SCP2: variants seen among roughly 807,000 people sequenced by gnomAD.
SCP2 encodes the protein sterol carrier protein 2.
SCP2 carries 48 observed loss-of-function variants against 71.4 expected under a neutral mutation model. The observed-to-expected ratio is 0.67, with a 90% CI of 0.53 to 0.86. The LOEUF is 0.86. SCP2 is among the 40% of genes least tolerant of loss of function. The pLI is 0.00. For synonymous variants in SCP2, 220 were observed against 218.1 expected, an observed-to-expected ratio of 1.01 and a Z score of -0.08; for missense variants, 560 against 655.6, an observed-to-expected ratio of 0.85 and a Z score of 1.59.
At chr1:53,035,686 A>T (rs764871477) in intron 13 of SCP2, among the ~76,000 whole-genome samples, 1 of 151,332 alleles carries the variant, frequency 6.6e-6, no homozygotes, top group Non-Finnish European at 1.5e-5. Flanking sequence ...TTATAAAGCT[A>T]TAATATTGGC....
rs189815974 is a variant in SCP2 at position 52,993,079 on chromosome 1, G to A, written c.1081+4943G>A. On this transcript the variant is annotated intron_variant, in intron 11 of 15. Coordinates refer to ENST00000371514, the MANE Select transcript of SCP2 (RefSeq NM_002979.5). ...AGGACTAGCCAGCTTCTTGGTCTAA[G>A]GCTAACATGGTGATCATTTGTCTAA... is the stretch of plus-strand genomic sequence containing the variant. The A allele has an allele frequency of 1.6e-4, 192 of 1,198,020 alleles. 1 individual carries two copies. In the African/African-American group the frequency reaches 2.6e-3, roughly 16 times the overall value. 74.2% of individuals were successfully genotyped at this position (1,198,020 alleles called of 1,614,324 possible). A position where few individuals can be genotyped will look rare whatever the true frequency, so the allele number is the denominator to read the frequency against.
intron 11 of SCP2, among the ~76,000 whole-genome samples, chr1:53,011,411 A>T (rs1448735103): frequency 6.6e-6 from 1 of 152,194 alleles, no homozygotes; most frequent in Non-Finnish European, 1.5e-5. Flanking sequence ...TTTACATTAC[A>T]CTGTGAATCC....
intron 14 of SCP2, among the ~76,000 whole-genome samples, chr1:53,040,578 A>G (rs7520302): frequency 0.099 from 14,993 of 152,144 alleles, 1,466 homozygotes; most frequent in African/African-American, 0.22. Flanking sequence ...AAAATTAGCC[A>G]GGCGTAGTGG....
intron 12 of SCP2, among the ~76,000 whole-genome samples, chr1:53,016,482 T>C (rs995433147): frequency 4.6e-5 from 7 of 152,156 alleles, no homozygotes; most frequent in African/African-American, 1.4e-4. Context: ...CAGAGTCTTG[T>C]ATGGTCCTCT....
At chr1:52,993,462 G>A (rs1659684214) in intron 11 of SCP2, 9 of 1,613,832 alleles carry the variant, frequency 5.6e-6, no homozygotes, top group Middle Eastern at 1.7e-4. Flanking sequence ...AACTCATCAC[G>A]ATCCTTTACT....
intron 14 of SCP2, among the ~76,000 whole-genome samples, chr1:53,040,247 C>T (rs1049804432): frequency 2.0e-5 from 3 of 148,856 alleles, no homozygotes; most frequent in African/African-American, 7.6e-5. Flanking sequence ...ATAGCTTTGT[C>T]TCACTGCAGG....
intron 2 of SCP2, among the ~76,000 whole-genome samples, chr1:52,942,474 C>T (rs187398156): frequency 8.5e-5 from 13 of 152,162 alleles, no homozygotes; most frequent in East Asian, 1.9e-4. Flanking sequence ...AGACGTGCCA[C>T]GACCAGGCTG....
At chr1:52,939,193 C>G (rs1653988942) in intron 1 of SCP2, among the ~76,000 whole-genome samples, 1 of 152,102 alleles carries the variant, frequency 6.6e-6, no homozygotes, top group Non-Finnish European at 1.5e-5. Flanking sequence ...ATCCTTTTAC[C>G]TCCTGAAGGA....
chr1:52,966,729 CA>C (rs750547811), intron 6 of SCP2, among the ~76,000 whole-genome samples: 2,269 of 104,410 alleles, frequency 0.022, 36 homozygotes, highest in African/African-American at 0.06. Context: ...ACTAAAGATA[CA>C]AAAAAAAAAA....
chr1:53,048,349 T>C (rs1663970653), intron 15 of SCP2: 1 of 272,562 alleles, frequency 3.7e-6, no homozygotes, highest in Non-Finnish European at 7.4e-6. Flanking sequence ...AGGGGTGGCA[T>C]GAACAAAGGC....
intron 6 of SCP2, among the ~76,000 whole-genome samples, chr1:52,965,505 T>A (rs1312720208): frequency 6.6e-6 from 1 of 152,226 alleles, no homozygotes; most frequent in Non-Finnish European, 1.5e-5. Context: ...AGTGTTTTAT[T>A]TCTTGTTAAA....
Position 52,958,806 on chromosome 1 carries a change from G to A in SCP2, c.397-2697G>A, listed in dbSNP as rs1656060958. On this transcript the variant is annotated intron_variant, in intron 5 of 15. Transcript: ENST00000371514. Reference sequence around the variant, plus strand: ...CTGGGCTCGAGCAATCCTCCCGCCTGGGCCTCCCAAAGTGTTGGGATTACA... The same window carrying A: ...CTGGGCTCGAGCAATCCTCCCGCCTAGGCCTCCCAAAGTGTTGGGATTACA... Among the ~76,000 whole-genome samples the A allele has an allele frequency of 2.0e-5, 3 of 152,002 alleles. No homozygotes were observed. In the South Asian group the frequency reaches 6.2e-4, roughly 32 times the overall value.
At chr1:52,950,209 C>T (rs1655166731) in intron 3 of SCP2, among the ~76,000 whole-genome samples, 1 of 152,110 alleles carries the variant, frequency 6.6e-6, no homozygotes, top group South Asian at 2.1e-4. Flanking sequence ...GCAACCTCTG[C>T]CTACTGGTTC....
intron 15 of SCP2, chr1:53,049,881 A>G (rs1482038827): frequency 1.3e-5 from 2 of 152,190 alleles, no homozygotes; most frequent in Non-Finnish European, 2.9e-5. Flanking sequence ...GGACTACCAG[A>G]AGCTTTTTTT....
intron 12 of SCP2, among the ~76,000 whole-genome samples, chr1:53,025,393 C>G (rs1662050738): frequency 6.6e-6 from 1 of 152,208 alleles, no homozygotes; most frequent in East Asian, 1.9e-4. Flanking sequence ...GATGATTTCT[C>G]CATTTTATCT....
At chr1:53,002,186 CAA>C (rs57702073) in intron 11 of SCP2, among the ~76,000 whole-genome samples, 5 of 76,110 alleles carry the variant, frequency 6.6e-5, no homozygotes, top group African/African-American at 1.7e-4. Context: ...GACTCCGTCT[CAA>C]AAAAAAAAAA....
chr1:53,031,097 G>A (rs1206283204), intron 13 of SCP2, among the ~76,000 whole-genome samples: 5 of 151,798 alleles, frequency 3.3e-5, no homozygotes, highest in Admixed American at 6.6e-5. Context: ...GGATAGTGGC[G>A]TCTGACAAGT....
intron 11 of SCP2, among the ~76,000 whole-genome samples, chr1:52,998,441 A>G (rs941017054): frequency 2.6e-5 from 4 of 151,848 alleles, no homozygotes; most frequent in Non-Finnish European, 5.9e-5. Flanking sequence ...ACAAAATATT[A>G]AAAAATTAAC....
chr1:52,960,568 ATATATATG>A (rs1438793102), intron 5 of SCP2, among the ~76,000 whole-genome samples: 9 of 145,926 alleles, frequency 6.2e-5, no homozygotes, highest in African/African-American at 2.3e-4. Context: ...ATATGTATGT[ATATATATG>A]TATATATGTA....
Sources: allele counts gnomAD v4.1 joint callset (sites outside exome capture counted in the v4.1 genomes callset), GRCh38; gene constraint gnomAD v4.1.1; transcripts MANE v1.5; gene names NCBI Gene and HGNC (gene_info 2026-07-23, HGNC 2026-07-21).